The following GRID2 variants were observed in gnomAD, a reference collection of about 807,000 sequenced individuals.
The protein encoded by GRID2 is glutamate ionotropic receptor delta type subunit 2, also known as glutamate receptor ionotropic, delta-2.
A neutral mutation model predicts 114.8 loss-of-function variants in GRID2; 33 were observed. The ratio of observed to expected loss-of-function variants is 0.29; its 90% confidence interval spans 0.22 to 0.38. The LOEUF (loss-of-function observed/expected upper bound fraction) is 0.38, where lower values mean the gene tolerates loss of function less well. Among genes scored for constraint, GRID2 ranks in the 10% least tolerant of loss-of-function variants. The probability of loss-of-function intolerance (pLI) is 1.00; values close to 1 mark genes in which losing one functional copy is unlikely to be tolerated. For synonymous variants in GRID2, 505 were observed against 449.9 expected (o/e 1.12, Z -1.55); for missense variants, 1,184 against 1,257.7 (o/e 0.94, Z 0.89).
chr4:93,579,861 C>T lies in GRID2; in HGVS notation c.2194-46408C>T, dbSNP rs183545561. On this transcript the variant is annotated intron_variant, in intron 13 of 15. Coordinates refer to ENST00000282020, the MANE Select transcript of GRID2 (RefSeq NM_001510.4). Reference sequence around the variant, plus strand: ...GCTTTCGTTTTCTTTATCCCTGTCACTTCTTTATCCAACCAAAGACTGAGT... The same window carrying T: ...GCTTTCGTTTTCTTTATCCCTGTCATTTCTTTATCCAACCAAAGACTGAGT... Among the ~76,000 whole-genome samples the T allele has an allele frequency of 1.1e-3, 173 of 152,292 alleles. 1 individual carries two copies. The highest frequency in any genetic ancestry group is 4.0e-3 in the African/African-American group (167 of 41,560).
intron 2 of GRID2, among the ~76,000 whole-genome samples, chr4:93,077,689 C>T (rs570851788): frequency 1.3e-5 from 2 of 152,232 alleles, no homozygotes; most frequent in South Asian, 2.1e-4. Flanking sequence ...ATATGACATT[C>T]TGCACTCACC....
In GRID2 at chr4:93,455,937, C is replaced by T; in HGVS notation, c.1821C>T (p.Asn607=). Residue 607 remains asparagine (N), a synonymous_variant, in exon 11 of 16, where the codon AAC becomes AAT. Transcript: ENST00000282020. ...MGSMTSTTLY[N]SMWFVYGSFV... is the part of the protein sequence containing the mutation. ...CAATGACGTCTACTACTCTCTACAA[C>T]TCCATGTGGTTTGTGTATGGATCTT... 1 of 1,610,242 alleles carries T rather than the reference C, an allele frequency of 6.2e-7. No individual in the cohort carries two copies. The highest frequency in any genetic ancestry group is 1.3e-5 in the African/African-American group (1 of 74,912).
chr4:93,791,487 C>A (rs939043564), intron 1 of GRID2, among the ~76,000 whole-genome samples: 1 of 152,046 alleles, frequency 6.6e-6, no homozygotes, highest in Non-Finnish European at 1.5e-5. Context: ...ACAAACTCTT[C>A]AGACTAAAAA....
intron 1 of GRID2, among the ~76,000 whole-genome samples, chr4:92,381,727 G>A (rs1729629833): frequency 6.6e-6 from 1 of 151,934 alleles, no homozygotes; most frequent in Non-Finnish European, 1.5e-5. Flanking sequence ...TTTTGATGGT[G>A]GAACATCAGT....
At chr4:93,731,358 G>T (rs1578685451) in intron 14 of GRID2, among the ~76,000 whole-genome samples, 1 of 152,206 alleles carries the variant, frequency 6.6e-6, no homozygotes, top group Admixed American at 6.5e-5. Context: ...AGCGCAATAG[G>T]TTATCAGCAA....
intron 1 of GRID2, among the ~76,000 whole-genome samples, chr4:92,333,092 T>G (rs1046580995): frequency 1.1e-4 from 16 of 152,252 alleles, no homozygotes; most frequent in African/African-American, 3.9e-4. Context: ...GCTCTATTCC[T>G]GTAACAAGTC....
chr4:92,756,171 A>G (rs932496187), intron 2 of GRID2, among the ~76,000 whole-genome samples: 1 of 152,132 alleles, frequency 6.6e-6, no homozygotes, highest in Non-Finnish European at 1.5e-5. Flanking sequence ...TTTAGCTCCC[A>G]TATATGAGTG....
At chr4:93,449,211 TA>T (rs1483621540) in intron 10 of GRID2, among the ~76,000 whole-genome samples, 1 of 152,000 alleles carries the variant, frequency 6.6e-6, no homozygotes, top group Non-Finnish European at 1.5e-5. Flanking sequence ...TTTAGTAAGT[TA>T]GATAGGCAGA....
At chr4:93,494,469 C>G (rs1393584802) in intron 12 of GRID2, among the ~76,000 whole-genome samples, 1 of 151,674 alleles carries the variant, frequency 6.6e-6, no homozygotes, top group Non-Finnish European at 1.5e-5. Flanking sequence ...TTTGGGGAAG[C>G]TGAATAATTT....
chr4:92,917,735 C>A (rs1748930578), intron 2 of GRID2, among the ~76,000 whole-genome samples: 1 of 152,126 alleles, frequency 6.6e-6, no homozygotes, highest in African/African-American at 2.4e-5. Context: ...CAGTACCATG[C>A]TGTTTTGGTT....
chr4:92,922,486 AC>A (rs1226640408), intron 2 of GRID2, among the ~76,000 whole-genome samples: 7 of 151,146 alleles, frequency 4.6e-5, no homozygotes, highest in East Asian at 3.9e-4. Context: ...CCATCTCTCC[AC>A]CCCCCCAGAA....
chr4:93,101,809 T>C (rs1348920802), intron 3 of GRID2, among the ~76,000 whole-genome samples: 1 of 152,120 alleles, frequency 6.6e-6, no homozygotes, highest in Non-Finnish European at 1.5e-5. Flanking sequence ...AATACAGATA[T>C]CTGAGAAATT....
intron 2 of GRID2, among the ~76,000 whole-genome samples, chr4:92,870,585 A>T (rs1182221558): frequency 6.6e-6 from 1 of 152,092 alleles, no homozygotes; most frequent in East Asian, 1.9e-4. Context: ...TTTATTTTAA[A>T]TAAAAAAGAA....
intron 2 of GRID2, among the ~76,000 whole-genome samples, chr4:92,784,361 T>C (rs942691260): frequency 1.3e-5 from 2 of 151,948 alleles, no homozygotes; most frequent in Non-Finnish European, 2.9e-5. Flanking sequence ...TCACTGAGAA[T>C]GATTGTTAAA....
intron 1 of GRID2, among the ~76,000 whole-genome samples, chr4:92,559,449 T>C (rs529768683): frequency 6.6e-6 from 1 of 152,192 alleles, no homozygotes; most frequent in Non-Finnish European, 1.5e-5. Flanking sequence ...CCAACATGCC[T>C]CAATGAGTAC....
intron 1 of GRID2, among the ~76,000 whole-genome samples, chr4:92,574,094 A>C (rs951030680): frequency 6.6e-6 from 1 of 151,552 alleles, no homozygotes; most frequent in Non-Finnish European, 1.5e-5. Context: ...TGTTGGTTTA[A>C]AGTCTGTTTT....
At chr4:93,754,334 A>T (rs1474793517) in intron 14 of GRID2, among the ~76,000 whole-genome samples, 2 of 152,150 alleles carry the variant, frequency 1.3e-5, no homozygotes, top group Non-Finnish European at 2.9e-5. Flanking sequence ...AATTACTTCA[A>T]AATGCATCAA....
At chr4:92,788,748 T>C (rs2149363020) in intron 2 of GRID2, among the ~76,000 whole-genome samples, 1 of 152,016 alleles carries the variant, frequency 6.6e-6, no homozygotes, top group African/African-American at 2.4e-5. Context: ...ATATTGATTT[T>C]AAATATGTAT....
At chr4:93,303,382 A>G (rs1755074135) in intron 8 of GRID2, among the ~76,000 whole-genome samples, 2 of 152,164 alleles carry the variant, frequency 1.3e-5, no homozygotes, top group Admixed American at 6.5e-5. Context: ...TTTATATTCC[A>G]GTGTGATAGA....
Sources: gnomAD v4.1 joint callset for allele counts (sites outside exome capture counted in the v4.1 genomes callset) on GRCh38, gnomAD v4.1.1 for gene constraint, MANE v1.5 for transcripts, NCBI Gene and HGNC (gene_info 2026-07-23, HGNC 2026-07-21) for gene names.